Variants in PBRM1 observed in about 807,000 individuals in gnomAD.
PBRM1 encodes polybromo 1.
In PBRM1, 27 loss-of-function variants were observed where a neutral mutation model predicts 194.5. The ratio of observed to expected loss-of-function variants is 0.14; its 90% CI spans 0.10 to 0.19. The LOEUF is 0.19. PBRM1 is among the 10% of genes least tolerant of loss of function. The pLI, the probability that PBRM1 is intolerant of heterozygous loss-of-function variation, is 1.00. For missense variants in PBRM1, 1,466 were observed against 2,077.2 expected (o/e 0.71, Z 5.72); for synonymous variants, 655 against 693.2 (o/e 0.94, Z 0.87).
chr3:52,668,074 T>C (rs554834730), intron 3 of PBRM1, among the ~76,000 whole-genome samples: 36 of 152,302 alleles, frequency 2.4e-4, no homozygotes, highest in African/African-American at 7.9e-4. Flanking sequence ...GGCAGGCAGA[T>C]TGCTTGAGCC....
intron 2 of PBRM1, among the ~76,000 whole-genome samples, chr3:52,673,573 G>A (rs1161654881): frequency 6.7e-6 from 1 of 150,090 alleles, no homozygotes; most frequent in Non-Finnish European, 1.5e-5. Context: ...TCGGGAGGCT[G>A]AGGCAGGACA....
At chr3:52,564,542 G>A (rs1418143532) in intron 22 of PBRM1, among the ~76,000 whole-genome samples, 4 of 151,838 alleles carry the variant, frequency 2.6e-5, no homozygotes, top group Non-Finnish European at 5.9e-5. Context: ...CTACTCGGGA[G>A]GCTGAGGTGG....
intron 17 of PBRM1, among the ~76,000 whole-genome samples, chr3:52,592,608 T>G (rs553412224): frequency 6.6e-6 from 1 of 152,356 alleles, no homozygotes; most frequent in East Asian, 1.9e-4. Flanking sequence ...ACATCAAGGA[T>G]ACTGGCCTAG....
intron 17 of PBRM1, among the ~76,000 whole-genome samples, chr3:52,591,760 C>A (rs1420499182): frequency 1.2e-4 from 18 of 148,734 alleles, no homozygotes; most frequent in African/African-American, 4.4e-4. Flanking sequence ...CCTCGTGATC[C>A]ACCCGCCCCG....
At chr3:52,560,005 T>C (rs1444794461) in intron 25 of PBRM1, among the ~76,000 whole-genome samples, 1 of 152,052 alleles carries the variant, frequency 6.6e-6, no homozygotes, top group Non-Finnish European at 1.5e-5. Context: ...ACTCTAAACT[T>C]TGGGCTTTGA....
At chr3:52,634,456 AGG>A in intron 11 of PBRM1, 144 bp downstream of exon 12, 1 of 538,618 alleles carries the variant, frequency 1.9e-6, no homozygotes, top group Non-Finnish European at 3.3e-6. Flanking sequence ...AAAAAAAAAA[AGG>A]TAATGAACAG....
chr3:52,626,149 GTTGTTC>G (rs2095440750), intron 13 of PBRM1, among the ~76,000 whole-genome samples: 1 of 152,160 alleles, frequency 6.6e-6, no homozygotes, highest in Non-Finnish European at 1.5e-5. Flanking sequence ...TACACTCAAA[GTTGTTC>G]TTGTTCTTGA....
chr3:52,561,622 A>C, intron 25 of PBRM1, 145 bp downstream of exon 27: 1 of 739,844 alleles, frequency 1.4e-6, no homozygotes, highest in Non-Finnish European at 2.4e-6. Context: ...AGCATCTAAA[A>C]TACTGGTTGG....
intron 3 of PBRM1, among the ~76,000 whole-genome samples, chr3:52,667,819 T>A (rs950191825): frequency 6.8e-6 from 1 of 146,114 alleles, no homozygotes; most frequent in Non-Finnish European, 1.5e-5. Flanking sequence ...CAGCTACTCA[T>A]GAGGCTGAGG....
At chr3:52,608,132 G>T (rs1051464202) in intron 16 of PBRM1, among the ~76,000 whole-genome samples, 1 of 152,054 alleles carries the variant, frequency 6.6e-6, no homozygotes, top group African/African-American at 2.4e-5. Context: ...TCCCTTAAGC[G>T]TAAGTCCTGG....
intron 16 of PBRM1, among the ~76,000 whole-genome samples, chr3:52,606,210 T>C (rs2153384377): frequency 6.6e-6 from 1 of 152,088 alleles, no homozygotes; most frequent in South Asian, 2.1e-4. Context: ...GGTCTTGCTA[T>C]ATTGTCCAGA....
chr3:52,562,537 CTTTTTT>C (rs61349809), intron 24 of PBRM1, among the ~76,000 whole-genome samples: 1 of 108,214 alleles, frequency 9.2e-6, no homozygotes, highest in Admixed American at 9.2e-5. Context: ...TGAGAAAATT[CTTTTTT>C]TTTTTTTTTT....
At chr3:52,672,491 C>CTTTT (rs34792299) in intron 2 of PBRM1, among the ~76,000 whole-genome samples, 18 of 103,852 alleles carry the variant, frequency 1.7e-4, no homozygotes, top group African/African-American at 2.1e-4. Flanking sequence ...TTTTTTTTGG[C>CTTTT]TTTTTTTTTT....
At chr3:52,668,372 G>A in intron 3 of PBRM1, 126 bp downstream of exon 4, 1 of 631,032 alleles carries the variant, frequency 1.6e-6, no homozygotes, top group East Asian at 3.1e-5. Context: ...TTACGAATAA[G>A]ACAAATGCGA....
upstream of PBRM1, among the ~76,000 whole-genome samples, chr3:52,683,213 T>C (rs55678971): frequency 4.0e-4 from 59 of 145,730 alleles, no homozygotes; most frequent in African/African-American, 1.5e-3. Flanking sequence ...AAAAAAATAA[T>C]AAAAAAAAAA....
intron 20 of PBRM1, among the ~76,000 whole-genome samples, chr3:52,585,007 T>C (rs2092146019): frequency 6.6e-6 from 1 of 152,174 alleles, no homozygotes; most frequent in African/African-American, 2.4e-5. Context: ...AATCTTTCCT[T>C]TGATCTAATG....
At chr3:52,574,411 G>A (rs965576527) in intron 22 of PBRM1, among the ~76,000 whole-genome samples, 1 of 152,148 alleles carries the variant, frequency 6.6e-6, no homozygotes, top group Non-Finnish European at 1.5e-5. Flanking sequence ...CATGAATTTC[G>A]AAGGGGGCAC....
At chr3:52,549,469 C>G (rs1022124072) in intron 29 of PBRM1, among the ~76,000 whole-genome samples, 9 of 152,040 alleles carry the variant, frequency 5.9e-5, no homozygotes, top group South Asian at 2.1e-4. Context: ...TTAATTTACC[C>G]AATGCATCTA....
intron 22 of PBRM1, among the ~76,000 whole-genome samples, chr3:52,565,130 C>T (rs1159255735): frequency 6.6e-6 from 1 of 151,740 alleles, no homozygotes; most frequent in African/African-American, 2.4e-5. Flanking sequence ...ACCTGGAAGG[C>T]GGAGGTTGCA....
Sources: allele counts gnomAD v4.1 joint callset (sites outside exome capture counted in the v4.1 genomes callset), GRCh38; gene constraint gnomAD v4.1.1; transcripts MANE v1.5; gene names NCBI Gene and HGNC (gene_info 2026-07-23, HGNC 2026-07-21).